SLC20A2: variants seen among roughly 807,000 people sequenced by gnomAD.
SLC20A2 encodes the protein solute carrier family 20 member 2, also known as sodium-dependent phosphate transporter 2.
A neutral mutation model predicts 61.0 loss-of-function variants in SLC20A2; 30 were observed. That is an observed-to-expected ratio of 0.49 (90% CI 0.37 to 0.67). The LOEUF (loss-of-function observed/expected upper bound fraction) is 0.67, where lower values mean the gene tolerates loss of function less well. Among genes scored for constraint, SLC20A2 ranks in the 30% least tolerant of loss-of-function variants. SLC20A2 has a pLI of 0.00. For missense variants in SLC20A2, 626 were observed against 866.4 expected, an observed-to-expected ratio of 0.72 and a Z score of 3.48; for synonymous variants, 351 against 353.3, an observed-to-expected ratio of 0.99 and a Z score of 0.07.
intron 10 of SLC20A2, 37 bp from the exon 11 acceptor site, chr8:42,418,004 G>A: frequency 6.3e-7 from 1 of 1,591,694 alleles, no homozygotes; most frequent in Non-Finnish European, 8.6e-7. Flanking sequence ...AAACAGGTGA[G>A]CCACAAAGGC....
chr8:42,460,213 A>G (rs771553547), intron 4 of SLC20A2: 3 of 436,530 alleles, frequency 6.9e-6, no homozygotes, highest in Non-Finnish European at 1.3e-5. Flanking sequence ...CAAAGAGCCC[A>G]CTGTTGTGGC....
chr8:42,440,813 A>T (rs964356206), intron 6 of SLC20A2, among the ~76,000 whole-genome samples: 3 of 151,974 alleles, frequency 2.0e-5, no homozygotes, highest in East Asian at 3.9e-4. Context: ...TTATTTATTT[A>T]TTTTTGAGAT....
chr8:42,439,708 A>G lies in SLC20A2; in HGVS notation c.731-55T>C. 3.2e-6 allele frequency: 4 copies of G among 1,261,194 alleles called. No individual in the cohort carries two copies. The East Asian group carries it at 9.3e-5, about 29-fold the overall frequency. The allele number at this position is 1,261,194 out of a possible 1,614,324, so 78.1% of individuals were successfully genotyped here. On this transcript the variant is annotated intron_variant, in intron 6 of 10. Coordinates refer to ENST00000520262, the MANE Select transcript of SLC20A2 (RefSeq NM_001257180.2). ...CTGGAAGAGAGTTCTTATTATTGAA[A>G]CATGAATATTAAAAAGTGAATCTAT...
intron 5 of SLC20A2, among the ~76,000 whole-genome samples, chr8:42,451,747 G>A (rs866056841): frequency 1.5e-4 from 20 of 135,488 alleles, no homozygotes; most frequent in Admixed American, 3.7e-4. Context: ...GGAAAAGATG[G>A]AGGAGGAGGA....
At chr8:42,485,860 C>A (rs920420412) in intron 1 of SLC20A2, among the ~76,000 whole-genome samples, 2 of 151,236 alleles carry the variant, frequency 1.3e-5, no homozygotes, top group Admixed American at 1.3e-4. Flanking sequence ...GCAGGAGAAT[C>A]GCTTGAACCC....
chr8:42,454,646 C>A (rs1318762295), intron 5 of SLC20A2, among the ~76,000 whole-genome samples: 1 of 150,810 alleles, frequency 6.6e-6, no homozygotes, highest in Non-Finnish European at 1.5e-5. Context: ...TGAGACAGGG[C>A]CTCGCTTTGT....
intron 1 of SLC20A2, among the ~76,000 whole-genome samples, chr8:42,532,457 T>G (rs2131439321): frequency 6.6e-6 from 1 of 152,348 alleles, no homozygotes; most frequent in East Asian, 1.9e-4. Context: ...AGCGTATGAC[T>G]GTTTTGACTG....
intron 5 of SLC20A2, among the ~76,000 whole-genome samples, chr8:42,451,565 G>C (rs2131096678): frequency 7.1e-6 from 1 of 141,370 alleles, no homozygotes; most frequent in African/African-American, 2.7e-5. Flanking sequence ...AGGAGGAAGA[G>C]GAAGAGATGA....
chr8:42,483,714 A>G (rs2131283087), intron 1 of SLC20A2, among the ~76,000 whole-genome samples: 2 of 152,384 alleles, frequency 1.3e-5, no homozygotes, highest in Middle Eastern at 3.4e-3. Context: ...ATAGGTAGAT[A>G]TTCGTGAGCA....
chr8:42,533,445 G>A (rs544793879), intron 1 of SLC20A2, among the ~76,000 whole-genome samples: 4 of 151,928 alleles, frequency 2.6e-5, no homozygotes, highest in East Asian at 1.9e-4. Flanking sequence ...GTGAAACCCC[G>A]TCTCTACTAA....
At chr8:42,430,982 C>T (rs1368097888) in intron 8 of SLC20A2, among the ~76,000 whole-genome samples, 1 of 152,170 alleles carries the variant, frequency 6.6e-6, no homozygotes, top group Non-Finnish European at 1.5e-5. Flanking sequence ...TCCCTCTCCT[C>T]CAGCCTATTT....
chr8:42,418,903 C>A (rs576897550), intron 10 of SLC20A2, among the ~76,000 whole-genome samples: 1 of 146,190 alleles, frequency 6.8e-6, no homozygotes, highest in Non-Finnish European at 1.5e-5. Flanking sequence ...GAGGCTGAGG[C>A]GGGAGAATGG....
In SLC20A2 at chr8:42,437,129, G is replaced by A; in HGVS notation, c.1383C>T (p.Ala461=). The A allele has an allele frequency of 2.5e-6, 4 of 1,613,788 alleles. No homozygotes were observed. The highest frequency in any genetic ancestry group is 1.3e-5 in the African/African-American group (1 of 75,040). The change falls in exon 8 of 11, where the codon GCC becomes GCT. Residue 461 remains alanine (A), a synonymous_variant. Coordinates refer to ENST00000520262, the MANE Select transcript of SLC20A2 (RefSeq NM_001257180.2). This position sits in a 1 kb window ranked among gnomAD's most constrained non-coding sequence, Gnocchi z 6.4. ...GGTCCTCTCGCGGCTGGTCAGGGTC[G>A]GCCAGCTCCGACGCCAGCTTCATCT... The part of the protein sequence containing the change: ...GVEMKLASEL[A]DPDQPREDPA...
upstream of SLC20A2, chr8:42,502,543 G>C (rs1028599090): frequency 1.3e-5 from 2 of 152,264 alleles, no homozygotes; most frequent in Non-Finnish European, 2.9e-5. Context: ...ATCTTCATTG[G>C]TGTGAGTTGG....
intron 1 of SLC20A2, among the ~76,000 whole-genome samples, chr8:42,517,628 T>C (rs1811396621): frequency 2.6e-5 from 4 of 152,164 alleles, no homozygotes; most frequent in Admixed American, 2.6e-4. Context: ...ATGGTCCTTC[T>C]GTTGAGGAGC....
intron 10 of SLC20A2, among the ~76,000 whole-genome samples, chr8:42,427,211 A>C (rs1340523344): frequency 6.6e-6 from 1 of 152,190 alleles, no homozygotes; most frequent in African/African-American, 2.4e-5. Flanking sequence ...CACGTTACTT[A>C]ACTTTCCTCT....
rs746129118 is a variant in SLC20A2 at position 42,430,190 on chromosome 8, T to C, written c.1583A>G (p.Gln528Arg). The C allele has an allele frequency of 6.8e-6, 11 of 1,613,948 alleles. No individual in the cohort carries two copies. In the South Asian group the frequency reaches 7.7e-5, roughly 11 times the overall value. Residue 528 changes from glutamine (Q) to arginine (R), a missense_variant, in exon 9 of 11, where the codon CAA becomes CGA. By Grantham distance (43) the Gln-to-Arg change is conservative. Around this residue, in one of 3 missense-constraint regions of SLC20A2, gnomAD observed 138 missense variants for 228.7 expected, o/e 0.60. Coordinates refer to ENST00000520262, the MANE Select transcript of SLC20A2 (RefSeq NM_001257180.2). ...CAGCCAGACGGGTGTAGCTGCTTCTTGCGTTACCCCGCCTTGTTTGTAAAT... is the reference window on the plus strand; with the variant it reads ...CAGCCAGACGGGTGTAGCTGCTTCTCGCGTTACCCCGCCTTGTTTGTAAAT... ...WLIYKQGGVT[Q>R]EAATPVWLLF...
At chr8:42,490,588 C>T (rs1020076037) in intron 1 of SLC20A2, among the ~76,000 whole-genome samples, 3 of 152,150 alleles carry the variant, frequency 2.0e-5, no homozygotes, top group Admixed American at 2.0e-4. Context: ...CAGAGTAAGA[C>T]TCCGTTTCAA....
At chr8:42,539,939 T>C (rs1178250115) in intron 1 of SLC20A2, among the ~76,000 whole-genome samples, 1 of 152,220 alleles carries the variant, frequency 6.6e-6, no homozygotes, top group Non-Finnish European at 1.5e-5. Flanking sequence ...TAATTTACTC[T>C]ATGGGTAACA....
Sources: allele counts gnomAD v4.1 joint callset (sites outside exome capture counted in the v4.1 genomes callset), GRCh38; gene constraint gnomAD v4.1.1; regional missense constraint gnomAD v4.1.1; non-coding constraint Gnocchi (gnomAD v3.1); transcripts MANE v1.5; gene names NCBI Gene and HGNC (gene_info 2026-07-23, HGNC 2026-07-21).